Variants in DOP1A observed in about 807,000 individuals in gnomAD.
DOP1A encodes the protein protein DOP1A.
A neutral mutation model predicts 267.6 loss-of-function variants in DOP1A; 90 were observed. The ratio of observed to expected loss-of-function variants is 0.34; its 90% CI spans 0.28 to 0.40. The LOEUF (loss-of-function observed/expected upper bound fraction) is 0.40. Among genes scored for constraint, DOP1A ranks in the 10% least tolerant of loss-of-function variants. The pLI, the probability that DOP1A is intolerant of heterozygous loss-of-function variation, is 1.00. For synonymous variants in DOP1A, 932 were observed against 999.1 expected (o/e 0.93, Z 1.27); for missense variants, 2,437 against 2,900.4 (o/e 0.84, Z 3.67).
chr6:83,150,719 A>G (rs972025452), intron 27 of DOP1A, among the ~76,000 whole-genome samples: 1 of 152,220 alleles, frequency 6.6e-6, no homozygotes, highest in Admixed American at 6.5e-5. Flanking sequence ...CAAATAATGA[A>G]AATGGAAATT....
chr6:83,167,483 G>A (rs1554255401), intron 38 of DOP1A: 19 of 996,994 alleles, frequency 1.9e-5, no homozygotes, highest in Non-Finnish European at 2.3e-5. Flanking sequence ...CCTTTTTTCT[G>A]TAGTAATTTT....
chr6:83,138,311 G>C lies in DOP1A; in HGVS notation c.4269G>C (p.Leu1423Phe). 6.2e-7 allele frequency: 1 copy of C among 1,612,422 alleles called. No homozygotes were observed. Among genetic ancestry groups the C allele is most frequent in the African/African-American group, 1.3e-5 (1 of 74,990 alleles). ...TPQLSLLQNLLARHRISVMGK... is the reference protein window; with the variant it reads ...TPQLSLLQNLFARHRISVMGK... ...AGTTGTCTCTCCTTCAGAATCTATT[G>C]GCCAGACACCGGATTTCTGTTATGG... Residue 1423 changes from leucine (L) to phenylalanine (F), a missense_variant, in exon 21 of 39, where the codon TTG (leucine) becomes TTC (phenylalanine). Physicochemically the swap from Leu to Phe is conservative, Grantham distance 22 (BLOSUM62 0). Coordinates refer to ENST00000349129, the MANE Select transcript of DOP1A (RefSeq NM_015018.4).
At position 83,148,791 on chromosome 6, in the gene DOP1A, CGT is replaced by C; in HGVS notation, c.5766_5767del (p.Ser1923ThrfsTer27). ...GTGCCCAATTTAGTGGATAGCTGGG[CGT>C]CACTGTTGATACTTCTGAAAGACTC... On this transcript the variant is annotated frameshift_variant, in exon 27 of 39. Transcript: ENST00000349129. LOFTEE classifies it high-confidence loss of function. The C allele has an allele frequency of 6.4e-7, 1 of 1,560,264 alleles. No homozygotes were observed. The highest frequency in any genetic ancestry group is 8.6e-7 in the Non-Finnish European group (1 of 1,161,854).
intron 17 of DOP1A, among the ~76,000 whole-genome samples, chr6:83,131,731 G>T (rs1402685685): frequency 6.6e-6 from 1 of 151,982 alleles, no homozygotes; most frequent in African/African-American, 2.4e-5. Flanking sequence ...CGCTTTTCGG[G>T]TTCAAGCAAT....
chr6:83,116,234 A>G (rs1007175482), intron 7 of DOP1A, among the ~76,000 whole-genome samples: 1 of 152,204 alleles, frequency 6.6e-6, no homozygotes, highest in Non-Finnish European at 1.5e-5. Flanking sequence ...CTTAAACCAC[A>G]TCAATGAACT....
rs749736164 is a variant in DOP1A at position 83,142,031 on chromosome 6, A to G, written c.5526A>G (p.Thr1842=). ...GGAATGAAAGAAGACAGAATAAAAC[A>G]ACCACCAGGACCAAGGTATGTATTT... ...FVWNERRQNK[T]TTRTKVIPAA... is the part of the protein sequence containing the mutation. The change falls in exon 24 of 39, where the codon ACA becomes ACG. Residue 1842 remains threonine, a synonymous_variant. Transcript: ENST00000349129. The G allele has an allele frequency of 6.2e-7, 1 of 1,608,742 alleles. No homozygotes were observed. Among genetic ancestry groups the G allele is most frequent in the African/African-American group, 1.4e-5 (1 of 71,714 alleles).
chr6:83,098,399 A>G (rs948069537), intron 3 of DOP1A, among the ~76,000 whole-genome samples: 1 of 152,130 alleles, frequency 6.6e-6, no homozygotes, highest in Non-Finnish European at 1.5e-5. Context: ...CTGCAGTTCA[A>G]TTTGGACACT....
intron 19 of DOP1A, 26 bp downstream of exon 19, chr6:83,134,313 TCA>T: frequency 6.3e-7 from 1 of 1,592,430 alleles, no homozygotes; most frequent in Non-Finnish European, 8.6e-7. Context: ...TATTAAGATT[TCA>T]CAGTCATATA....
At chr6:83,169,637 C>T, downstream of DOP1A, 1 of 472,726 alleles carries the variant, frequency 2.1e-6, no homozygotes, top group Non-Finnish European at 4.2e-6. Flanking sequence ...TAAGTAAGTA[C>T]TAATGCCTCT....
intron 3 of DOP1A, among the ~76,000 whole-genome samples, chr6:83,097,513 T>C (rs994138759): frequency 3.9e-5 from 6 of 152,200 alleles, no homozygotes; most frequent in African/African-American, 1.4e-4. Flanking sequence ...CCAAATGATA[T>C]ATAGCAACAA....
chr6:83,170,573 A>T (rs1174362477), downstream of DOP1A: 6 of 925,406 alleles, frequency 6.5e-6, no homozygotes, highest in Non-Finnish European at 9.8e-6. Flanking sequence ...GCCAGACTAA[A>T]TATAAAATTA....
At chr6:83,109,208 T>A in intron 5 of DOP1A, 128 bp downstream of exon 5, 1 of 756,974 alleles carries the variant, frequency 1.3e-6, no homozygotes, top group Non-Finnish European at 2.1e-6. Flanking sequence ...CATGAATATT[T>A]CTATAGCAAT....
chr6:83,140,104 A>G lies in DOP1A; in HGVS notation c.5225A>G (p.Tyr1742Cys). 6.2e-7 allele frequency: 1 copy of G among 1,611,812 alleles called. No homozygotes were observed. The highest frequency in any genetic ancestry group is 8.5e-7 in the Non-Finnish European group (1 of 1,178,242). ...TGTTTGTTGGATCCAACTACACAGT[A>G]TCACCAAGTAAGACTGCACAAATAT... ...HYCLLDPTTQYHQLLVSVDQK... is the reference protein window; with the variant it reads ...HYCLLDPTTQCHQLLVSVDQK... The change falls in exon 22 of 39, where the codon TAT (tyrosine) becomes TGT (cysteine). Residue 1742 changes from tyrosine (Y) to cysteine (C), a missense_variant. By Grantham distance (194) the Tyr-to-Cys change is radical. Around this residue, in one of 9 missense-constraint regions of DOP1A, gnomAD observed 307 missense variants for 308.6 expected, o/e 0.99. Transcript: ENST00000349129.
chr6:83,109,402 C>A (rs1339309742), intron 5 of DOP1A, among the ~76,000 whole-genome samples: 1 of 152,064 alleles, frequency 6.6e-6, no homozygotes, highest in Non-Finnish European at 1.5e-5. Context: ...AAACATAATA[C>A]CTATTTATCT....
intron 4 of DOP1A, among the ~76,000 whole-genome samples, chr6:83,104,685 T>C (rs1018448010): frequency 2.0e-5 from 3 of 152,118 alleles, no homozygotes; most frequent in African/African-American, 7.2e-5. Context: ...TATGTCAGTT[T>C]TAATAAGTTT....
At chr6:83,123,281 T>G (rs1174335657) in intron 12 of DOP1A, among the ~76,000 whole-genome samples, 6 of 151,890 alleles carry the variant, frequency 4.0e-5, no homozygotes, top group African/African-American at 1.2e-4. Flanking sequence ...GATAGCAAAT[T>G]TTTGGCTGCT....
At chr6:83,086,760 G>A (rs942080003) in intron 1 of DOP1A, among the ~76,000 whole-genome samples, 1 of 152,148 alleles carries the variant, frequency 6.6e-6, no homozygotes, top group African/African-American at 2.4e-5. Context: ...CAGTCCCATA[G>A]GCATTTCACG....
chr6:83,070,101 T>G (rs1785346478), intron 1 of DOP1A, among the ~76,000 whole-genome samples: 1 of 152,240 alleles, frequency 6.6e-6, no homozygotes, highest in Admixed American at 6.5e-5. Context: ...GTGGATATTC[T>G]GTTCATTCTT....
rs112280495 is a variant in DOP1A at position 83,163,618 on chromosome 6, C to T, written c.7092+699C>T. 8.9e-3 allele frequency among the ~76,000 whole-genome samples: 1,347 copies of T among 152,200 alleles called. 18 individuals carry two copies. Among genetic ancestry groups the T allele is most frequent in the African/African-American group, 0.031 (1,279 of 41,524 alleles). On this transcript the variant is annotated intron_variant, in intron 38 of 38. Transcript: ENST00000349129. ...TACATTCAGAAATGTGTTCCTTATCCTGATCCAGTACAGCTATATAACCGA... is the reference window on the plus strand; with the variant it reads ...TACATTCAGAAATGTGTTCCTTATCTTGATCCAGTACAGCTATATAACCGA...
Sources: gnomAD v4.1 joint callset for allele counts (sites outside exome capture counted in the v4.1 genomes callset) on GRCh38, gnomAD v4.1.1 for gene constraint, gnomAD v4.1.1 regional missense constraint, MANE v1.5 for transcripts, NCBI Gene and HGNC (gene_info 2026-07-23, HGNC 2026-07-21) for gene names.